Variants in RBFOX1 observed in about 807,000 individuals in gnomAD.
The protein encoded by RBFOX1 is RNA binding protein fox-1 homolog 1.
Under a neutral mutation model 57.7 loss-of-function variants are expected in RBFOX1, and 8 were observed. The ratio of observed to expected loss-of-function variants is 0.14; its 90% CI spans 0.08 to 0.25. The LOEUF is 0.25. Ranked by LOEUF, RBFOX1 falls within the 10% of genes least tolerant of loss-of-function variation. RBFOX1 has a pLI of 1.00. For missense variants in RBFOX1, 611 were observed against 548.5 expected (o/e 1.11, Z -1.14); for synonymous variants, 326 against 222.4 (o/e 1.47, Z -4.15).
chr16:6,976,964 T>A (rs2087092662), intron 3 of RBFOX1, among the ~76,000 whole-genome samples: 1 of 147,294 alleles, frequency 6.8e-6, no homozygotes, highest in African/African-American at 2.5e-5. Flanking sequence ...ATATATTAAA[T>A]ATCCTATATC....
chr16:5,657,397 G>T (rs1210303733), intron 3 of RBFOX1, among the ~76,000 whole-genome samples: 1 of 152,174 alleles, frequency 6.6e-6, no homozygotes, highest in Non-Finnish European at 1.5e-5. Flanking sequence ...GCTGTTTACA[G>T]AGGATGAAAT....
At chr16:6,404,886 G>A (rs2093219210) in intron 2 of RBFOX1, among the ~76,000 whole-genome samples, 1 of 152,216 alleles carries the variant, frequency 6.6e-6, no homozygotes, top group Admixed American at 6.5e-5. Context: ...TCCCCGATAT[G>A]GAAGGAAGAA....
chr16:5,806,508 C>T (rs566740637), intron 3 of RBFOX1, among the ~76,000 whole-genome samples: 15 of 152,328 alleles, frequency 9.8e-5, no homozygotes, highest in Non-Finnish European at 1.9e-4. Flanking sequence ...AAGGCCCTTA[C>T]CTCTTAATAC....
chr16:5,538,922 T>C (rs2171227), intron 2 of RBFOX1, among the ~76,000 whole-genome samples: 112,619 of 152,088 alleles, frequency 0.74, 42,148 homozygotes, highest in East Asian at 0.99. Flanking sequence ...ACAATTCTTA[T>C]ATCTAGGGTA....
At chr16:7,185,352 A>G (rs2083504041) in intron 4 of RBFOX1, among the ~76,000 whole-genome samples, 1 of 152,152 alleles carries the variant, frequency 6.6e-6, no homozygotes, top group Admixed American at 6.5e-5. Flanking sequence ...ACAGAATCTC[A>G]GCCATGATGT....
chr16:7,500,383 T>A (rs1186193589), intron 4 of RBFOX1, among the ~76,000 whole-genome samples: 1 of 152,234 alleles, frequency 6.6e-6, no homozygotes, highest in Non-Finnish European at 1.5e-5. Flanking sequence ...CCAGTGAGGT[T>A]GTATTTTCCC....
At chr16:7,229,632 A>C (rs1400716241) in intron 4 of RBFOX1, among the ~76,000 whole-genome samples, 1 of 126,656 alleles carries the variant, frequency 7.9e-6, no homozygotes, top group African/African-American at 3.0e-5. Flanking sequence ...GGAGGGAGGG[A>C]AGGGAAGGAA....
intron 1 of RBFOX1, among the ~76,000 whole-genome samples, chr16:5,339,909 T>C (rs2064997486): frequency 6.6e-6 from 1 of 152,076 alleles, no homozygotes; most frequent in Non-Finnish European, 1.5e-5. Context: ...GGGAGGCCCG[T>C]TCCCAAAGCT....
At chr16:5,361,435 A>G (rs1051148867) in intron 1 of RBFOX1, among the ~76,000 whole-genome samples, 1 of 152,148 alleles carries the variant, frequency 6.6e-6, no homozygotes, top group East Asian at 1.9e-4. Flanking sequence ...TGACCATTTT[A>G]TTTCTCTTGT....
At chr16:6,952,531 G>C (rs2080977469) in intron 3 of RBFOX1, among the ~76,000 whole-genome samples, 1 of 151,946 alleles carries the variant, frequency 6.6e-6, no homozygotes, top group Non-Finnish European at 1.5e-5. Flanking sequence ...CCACCTACCT[G>C]GGAGGCTGAG....
At chr16:7,065,356 TCCCCTGATAC>T (rs2055709005) in intron 4 of RBFOX1, among the ~76,000 whole-genome samples, 1 of 152,048 alleles carries the variant, frequency 6.6e-6, no homozygotes, top group Non-Finnish European at 1.5e-5. Flanking sequence ...ATGCCACCTT[TCCCCTGATAC>T]ACTCCACCTG....
chr16:7,413,489 T>G (rs998884242), intron 4 of RBFOX1, among the ~76,000 whole-genome samples: 28 of 152,056 alleles, frequency 1.8e-4, no homozygotes, highest in African/African-American at 6.8e-4. Flanking sequence ...AGGTCAACAC[T>G]ACCAGCCTGG....
At chr16:5,336,146 A>C (rs1173634262) in intron 1 of RBFOX1, among the ~76,000 whole-genome samples, 3 of 152,172 alleles carry the variant, frequency 2.0e-5, no homozygotes, top group African/African-American at 7.2e-5. Context: ...CTGTCTTTCA[A>C]GATGCAGAAT....
intron 3 of RBFOX1, among the ~76,000 whole-genome samples, chr16:7,026,023 C>G (rs1267775727): frequency 1.3e-5 from 2 of 152,112 alleles, no homozygotes; most frequent in Admixed American, 6.5e-5. Context: ...GACCCCAGAC[C>G]AAGAAGGAAC....
At chr16:6,672,690 T>C (rs1444065703) in intron 3 of RBFOX1, among the ~76,000 whole-genome samples, 1 of 152,140 alleles carries the variant, frequency 6.6e-6, no homozygotes, top group African/African-American at 2.4e-5. Context: ...TGATTCCGCT[T>C]CTGCTTTTCT....
At chr16:6,592,197 T>A (rs575537858) in intron 2 of RBFOX1, among the ~76,000 whole-genome samples, 2 of 152,304 alleles carry the variant, frequency 1.3e-5, no homozygotes, top group African/African-American at 4.8e-5. Context: ...ATATTTCAAT[T>A]TCAGAAAATT....
chr16:7,315,467 C>CCCA (rs60940446), intron 4 of RBFOX1, among the ~76,000 whole-genome samples: 1 of 149,898 alleles, frequency 6.7e-6, no homozygotes, highest in African/African-American at 2.5e-5. Context: ...CCCCCCCCCC[C>CCCA]ATACTGGGGG....
intron 1 of RBFOX1, among the ~76,000 whole-genome samples, chr16:5,321,846 G>T (rs1315390658): frequency 6.6e-6 from 1 of 152,154 alleles, no homozygotes; most frequent in African/African-American, 2.4e-5. Context: ...TTCTGAGCCT[G>T]TCTTCATCCA....
Position 6,228,291 on chromosome 16 carries a change from C to G in RBFOX1, c.-126-88704C>G, listed in dbSNP as rs541479972. ...TGAGCTGAGATCATGCCACTGCCCT[C>G]CAGCCTGGGTGGCAGAATGAGACTC... On this transcript the variant is annotated intron_variant, in intron 1 of 15. Coordinates refer to ENST00000550418, the MANE Select transcript of RBFOX1 (RefSeq NM_018723.4). Among the ~76,000 whole-genome samples, 4 of 152,066 alleles carry G rather than the reference C, an allele frequency of 2.6e-5. No homozygotes were observed. In the South Asian group the frequency reaches 6.2e-4, roughly 24 times the overall value.
Sources: allele counts gnomAD v4.1 joint callset (sites outside exome capture counted in the v4.1 genomes callset), GRCh38; gene constraint gnomAD v4.1.1; transcripts MANE v1.5; gene names NCBI Gene and HGNC (gene_info 2026-07-23, HGNC 2026-07-21).